LRRC7: variants seen among roughly 807,000 people sequenced by gnomAD.
LRRC7 encodes leucine rich repeat containing 7, also known as leucine-rich repeat-containing protein 7.
LRRC7 carries 23 observed loss-of-function variants against 175.7 expected under a neutral mutation model. The observed-to-expected ratio is 0.13, with a 90% confidence interval of 0.09 to 0.19. The LOEUF is 0.19. Among genes scored for constraint, LRRC7 ranks in the 10% least tolerant of loss-of-function variants. The probability of loss-of-function intolerance (pLI) is 1.00; values close to 1 mark genes in which losing one functional copy is unlikely to be tolerated. For missense variants in LRRC7, 1,354 were observed against 1,904.7 expected, an observed-to-expected ratio of 0.71 and a Z score of 5.38; for synonymous variants, 685 against 680.9, an observed-to-expected ratio of 1.01 and a Z score of -0.09.
chr1:69,571,184 G>A (rs531055965), intron 1 of LRRC7, among the ~76,000 whole-genome samples: 101 of 152,218 alleles, frequency 6.6e-4, no homozygotes, highest in African/African-American at 2.2e-3. Flanking sequence ...ACTTACCATG[G>A]CCAACACATA....
chr1:69,780,522 A>C (rs1233024618), intron 3 of LRRC7, among the ~76,000 whole-genome samples: 5 of 152,088 alleles, frequency 3.3e-5, no homozygotes, highest in East Asian at 1.9e-4. Flanking sequence ...AGATAAAGGG[A>C]GGGAGAAAAG....
At chr1:69,880,933 AT>A (rs1229198467) in intron 7 of LRRC7, among the ~76,000 whole-genome samples, 5 of 152,230 alleles carry the variant, frequency 3.3e-5, no homozygotes, top group African/African-American at 1.2e-4. Context: ...TGCATCTTGC[AT>A]TTATAACTGT....
intron 7 of LRRC7, among the ~76,000 whole-genome samples, chr1:69,909,270 T>C (rs940548918): frequency 3.9e-5 from 6 of 152,304 alleles, no homozygotes; most frequent in Admixed American, 6.5e-5. Flanking sequence ...CCCATTTTCA[T>C]TTAAAATTAA....
chr1:70,029,562 T>C (rs1197068860), intron 18 of LRRC7, among the ~76,000 whole-genome samples: 1 of 152,184 alleles, frequency 6.6e-6, no homozygotes, highest in Non-Finnish European at 1.5e-5. Context: ...TACTTTTTCC[T>C]TTCCAAAATA....
rs1020798417 is a variant in LRRC7, at chr1:70,138,085, T to C, written c.*16198T>C. On this transcript the variant is annotated 3_prime_UTR_variant, in exon 27 of 27. Coordinates refer to ENST00000651989, the MANE Select transcript of LRRC7 (RefSeq NM_001370785.2). ...TGGAAAATTAGCTGCCATTTTGTGATGAAGTGTTTGGTTTTTCCTTGTAGA... is the reference window on the plus strand; with the variant it reads ...TGGAAAATTAGCTGCCATTTTGTGACGAAGTGTTTGGTTTTTCCTTGTAGA... 6.6e-6 allele frequency: 1 copy of C among 152,228 alleles called. No homozygotes were observed. Among genetic ancestry groups the C allele is most frequent in the African/African-American group, 2.4e-5 (1 of 41,458 alleles). 9.4% of individuals were successfully genotyped at this position (152,228 alleles called of 1,614,324 possible). A position where few individuals can be genotyped will look rare whatever the true frequency, so the allele number is the denominator to read the frequency against.
At chr1:69,795,387 A>G (rs2101072614) in intron 4 of LRRC7, among the ~76,000 whole-genome samples, 1 of 152,118 alleles carries the variant, frequency 6.6e-6, no homozygotes, top group Admixed American at 6.6e-5. Context: ...AAAAAAAAAA[A>G]AAGCTATCAC....
chr1:69,690,459 A>G (rs959565572), intron 2 of LRRC7, among the ~76,000 whole-genome samples: 1 of 152,076 alleles, frequency 6.6e-6, no homozygotes, highest in African/African-American at 2.4e-5. Flanking sequence ...GCAAATTTCA[A>G]CTACTACATA....
chr1:69,905,944 A>T (rs562074687), intron 7 of LRRC7, among the ~76,000 whole-genome samples: 1 of 152,140 alleles, frequency 6.6e-6, no homozygotes, highest in Admixed American at 6.6e-5. Context: ...TTTAATGATC[A>T]CCATCCTAAC....
chr1:69,915,969 G>C (rs564437746), intron 7 of LRRC7, among the ~76,000 whole-genome samples: 94 of 145,876 alleles, frequency 6.4e-4, no homozygotes, highest in African/African-American at 2.3e-3. Flanking sequence ...GTGAGTGGTG[G>C]AACCAGGATT....
intron 2 of LRRC7, among the ~76,000 whole-genome samples, chr1:69,704,479 T>C (rs1663771802): frequency 6.6e-6 from 1 of 152,006 alleles, no homozygotes; most frequent in South Asian, 2.1e-4. Flanking sequence ...ACTTCCGTTG[T>C]AAGTTTTTAA....
At chr1:69,662,407 T>C (rs995511332) in intron 1 of LRRC7, among the ~76,000 whole-genome samples, 3 of 152,216 alleles carry the variant, frequency 2.0e-5, no homozygotes, top group Non-Finnish European at 4.4e-5. Context: ...TAATGTACTA[T>C]TGTGTTTGCT....
At chr1:69,857,589 T>C (rs1156887616) in intron 7 of LRRC7, among the ~76,000 whole-genome samples, 1 of 152,024 alleles carries the variant, frequency 6.6e-6, no homozygotes, top group Non-Finnish European at 1.5e-5. Flanking sequence ...AACTACAAAC[T>C]ACTGCTCAAC....
intron 1 of LRRC7, among the ~76,000 whole-genome samples, chr1:69,635,811 C>T (rs1207205245): frequency 1.3e-5 from 2 of 148,856 alleles, no homozygotes; most frequent in East Asian, 3.9e-4. Context: ...AAATAAGATA[C>T]ACATCACATT....
intron 1 of LRRC7, among the ~76,000 whole-genome samples, chr1:69,627,714 C>T (rs1210460915): frequency 6.6e-6 from 1 of 152,018 alleles, no homozygotes; most frequent in African/African-American, 2.4e-5. Context: ...TTAGATCTAA[C>T]ATTAAAATTT....
intron 7 of LRRC7, among the ~76,000 whole-genome samples, chr1:69,879,267 C>A (rs1686358515): frequency 7.0e-6 from 1 of 143,624 alleles, no homozygotes. Flanking sequence ...ATGCCTGCCA[C>A]TTAGTTGTTA....
At chr1:69,573,414 T>C (rs1170680436) in intron 1 of LRRC7, among the ~76,000 whole-genome samples, 3 of 152,348 alleles carry the variant, frequency 2.0e-5, no homozygotes, top group Middle Eastern at 3.4e-3. Flanking sequence ...TAATACACCC[T>C]ATTATTTTTG....
At chr1:70,088,364 C>T (rs1663766956) in intron 24 of LRRC7, among the ~76,000 whole-genome samples, 1 of 151,866 alleles carries the variant, frequency 6.6e-6, no homozygotes, top group Non-Finnish European at 1.5e-5. Context: ...CGAGACTAGC[C>T]CGGGCAACAC....
Position 69,717,950 on chromosome 1 carries a change from AAGAAAG to A in LRRC7, c.100+39474_100+39479del, listed in dbSNP as rs1278969086. On this transcript the variant is annotated intron_variant, in intron 2 of 26. Transcript: ENST00000651989. Reference sequence around the variant, plus strand: ...AAGAAAAGAAAGAAAGAAAGAAAGAAAGAAAGAAGAAAAAGAAAGAAAGAGAAAGAA... The same window carrying A: ...AAGAAAAGAAAGAAAGAAAGAAAGAAAAGAAAAAGAAAGAAAGAGAAAGAA... Among the ~76,000 whole-genome samples the A allele has an allele frequency of 1.9e-4, 15 of 78,556 alleles. No individual in the cohort carries two copies. In the East Asian group the frequency reaches 4.8e-3, roughly 25 times the overall value. 51.5% of individuals were successfully genotyped at this position (78,556 alleles called of 152,430 possible). A position where few individuals can be genotyped will look rare whatever the true frequency, so the allele number is the denominator to read the frequency against.
chr1:69,912,424 A>G (rs182596247), intron 7 of LRRC7, among the ~76,000 whole-genome samples: 140 of 152,296 alleles, frequency 9.2e-4, no homozygotes, highest in Middle Eastern at 3.4e-3. Context: ...TCATAAGCAT[A>G]TAATATAGGT....
Sources: allele counts gnomAD v4.1 joint callset (sites outside exome capture counted in the v4.1 genomes callset), GRCh38; gene constraint gnomAD v4.1.1; transcripts MANE v1.5; gene names NCBI Gene and HGNC (gene_info 2026-07-23, HGNC 2026-07-21).